CDK11B: variants seen among roughly 807,000 people sequenced by gnomAD.
The protein encoded by CDK11B is cyclin-dependent kinase 11B.
Under a neutral mutation model 84.0 loss-of-function variants are expected in CDK11B, and 37 were observed. That is an observed-to-expected ratio of 0.44 (90% CI 0.34 to 0.58). The LOEUF (loss-of-function observed/expected upper bound fraction) is 0.58, where lower values mean the gene tolerates loss of function less well. CDK11B is among the 20% of genes least tolerant of loss of function. The pLI is 0.02. For synonymous variants in CDK11B, 269 were observed against 309.8 expected, an observed-to-expected ratio of 0.87 and a Z score of 1.38; for missense variants, 427 against 834.0, an observed-to-expected ratio of 0.51 and a Z score of 6.01.
intron 6 of CDK11B, among the ~76,000 whole-genome samples, chr1:1,644,056 A>AAG (rs1334167776): frequency 1.3e-5 from 2 of 152,260 alleles, no homozygotes; most frequent in African/African-American, 4.8e-5. Context: ...GCCTAAGGCA[A>AAG]AGAGAATCTT....
At chr1:1,637,359 G>T in intron 14 of CDK11B, 49 bp downstream of exon 14, 1 of 1,595,682 alleles carries the variant, frequency 6.3e-7, no homozygotes, top group Non-Finnish European at 8.5e-7. Context: ...GGGTGACCAG[G>T]ACCCTGCCCC....
At chr1:1,647,788 C>T (rs1238262953) in intron 5 of CDK11B, among the ~76,000 whole-genome samples, 1 of 152,210 alleles carries the variant, frequency 6.6e-6, no homozygotes, top group Non-Finnish European at 1.5e-5. Context: ...GCCTTTTCTT[C>T]CTCCCTCCAC....
rs1294459593 is a variant in CDK11B, at chr1:1,636,968, G to A, written c.1729C>T (p.Pro577Ser). Residue 577 changes from proline (P) to serine (S), a missense_variant, in exon 16 of 20, where the codon CCT (proline) becomes TCT (serine). Pro to Ser is a moderately conservative substitution (Grantham distance 74). Transcript: ENST00000341832. Reference sequence around the variant, plus strand: ...ACGACCGGGGTGTAGGCCTTCAGAGGGGATCCGTACTCCCGCGCCAGCCCG... The same window carrying A: ...ACGACCGGGGTGTAGGCCTTCAGAGAGGATCCGTACTCCCGCGCCAGCCCG... ...DFGLAREYGS[P>S]LKAYTPVVVT... The A allele has an allele frequency of 1.1e-5, 17 of 1,610,762 alleles. No homozygotes were observed. The highest frequency in any genetic ancestry group is 4.5e-5 in the East Asian group (2 of 44,824).
intron 10 of CDK11B, among the ~76,000 whole-genome samples, 167 bp downstream of exon 10, chr1:1,640,881 C>T (rs1640184061): frequency 1.3e-5 from 2 of 151,082 alleles, no homozygotes; most frequent in South Asian, 2.1e-4. Flanking sequence ...CACTGTGCCT[C>T]GCTGAGGAAT....
intron 4 of CDK11B, among the ~76,000 whole-genome samples, chr1:1,649,893 T>C (rs1476904058): frequency 8.0e-5 from 12 of 150,540 alleles, no homozygotes; most frequent in Non-Finnish European, 1.5e-4. Context: ...GAAGAATTGC[T>C]TGAACCCGGG....
chr1:1,655,527 T>A, intron 2 of CDK11B, 43 bp from the exon 3 acceptor site: 1 of 1,527,646 alleles, frequency 6.5e-7, no homozygotes, highest in South Asian at 1.2e-5. Flanking sequence ...TTATAAGTTT[T>A]TTTTTCTTCA....
chr1:1,650,361 C>CTT (rs1167345235), intron 4 of CDK11B, among the ~76,000 whole-genome samples: 5 of 121,200 alleles, frequency 4.1e-5, no homozygotes, highest in African/African-American at 1.0e-4. Context: ...CCTAATTTTT[C>CTT]TTTTTTTTCT....
chr1:1,648,009 G>A (rs1213796160), intron 5 of CDK11B, among the ~76,000 whole-genome samples: 5 of 152,290 alleles, frequency 3.3e-5, no homozygotes, highest in African/African-American at 9.6e-5. Flanking sequence ...AGTTTTCCAA[G>A]CATCAGTGCT....
Position 1,637,208 on chromosome 1 carries a change from A to T in CDK11B, c.1571-6T>A. 1.9e-6 allele frequency: 3 copies of T among 1,612,954 alleles called. No individual in the cohort carries two copies. Among genetic ancestry groups the T allele is most frequent in the Middle Eastern group, 1.8e-4 (1 of 5,642 alleles). On this transcript the variant is annotated splice_polypyrimidine_tract_variant and splice_region_variant and intron_variant, in intron 14 of 19. Transcript: ENST00000341832. The stretch of plus-strand genomic sequence containing the variant: ...CATCAGGGTCTTCACCTCCCCTGGG[A>T]GGGAGGGAAGCTCCCATGTGGACCT...
In CDK11B at chr1:1,637,016, G is replaced by A; in HGVS notation, c.1693-12C>T. On this transcript the variant is annotated splice_polypyrimidine_tract_variant and intron_variant, in intron 15 of 19. Coordinates refer to ENST00000341832, the MANE Select transcript of CDK11B (RefSeq NM_033486.3). ...CCGAAGTCACCCACCTGCAACGACAGATGGGCGGCTGTGAGTGGGCCCCGG... is the reference window on the plus strand; with the variant it reads ...CCGAAGTCACCCACCTGCAACGACAAATGGGCGGCTGTGAGTGGGCCCCGG... 2 of 1,613,054 alleles carry A rather than the reference G, an allele frequency of 1.2e-6. No individual in the cohort carries two copies. Among genetic ancestry groups the A allele is most frequent in the Non-Finnish European group, 1.7e-6 (2 of 1,179,548 alleles).
At chr1:1,650,006 G>T (rs1420595543) in intron 4 of CDK11B, among the ~76,000 whole-genome samples, 5 of 150,402 alleles carry the variant, frequency 3.3e-5, no homozygotes, top group African/African-American at 9.8e-5. Flanking sequence ...GGGCGCGGTG[G>T]CTCACGCCTG....
At chr1:1,649,994 C>T (rs1320338525) in intron 4 of CDK11B, among the ~76,000 whole-genome samples, 5 of 147,890 alleles carry the variant, frequency 3.4e-5, no homozygotes, top group Non-Finnish European at 6.0e-5. Context: ...GAAATTAAGA[C>T]CGGGCGCGGT....
chr1:1,656,080 A>G (rs1257655829), intron 2 of CDK11B, among the ~76,000 whole-genome samples: 3 of 152,146 alleles, frequency 2.0e-5, no homozygotes, highest in Non-Finnish European at 4.4e-5. Flanking sequence ...CAAACCAAAT[A>G]CTTTGTGATA....
intron 1 of CDK11B, among the ~76,000 whole-genome samples, chr1:1,658,184 AATG>A (rs1226692034): frequency 1.3e-5 from 2 of 149,714 alleles, no homozygotes; most frequent in African/African-American, 5.1e-5. Context: ...AAAAAACAAG[AATG>A]ATAAGTTGTA....
chr1:1,653,169 C>G (rs913754200), intron 3 of CDK11B, among the ~76,000 whole-genome samples: 1 of 151,598 alleles, frequency 6.6e-6, no homozygotes, highest in African/African-American at 2.4e-5. Flanking sequence ...GGATTACAGG[C>G]ATGCGCCACC....
chr1:1,650,002 G>A lies in CDK11B; in HGVS notation c.356-365C>T, dbSNP rs1267285947. ...TGAAACTGAAATTAAGACCGGGCGC[G>A]GTGGCTCACGCCTGTAATTCCAGCA... On this transcript the variant is annotated intron_variant, in intron 4 of 19. Transcript: ENST00000341832. Among the ~76,000 whole-genome samples the A allele has an allele frequency of 2.2e-4, 33 of 149,648 alleles. 1 individual carries two copies. Among genetic ancestry groups the A allele is most frequent in the African/African-American group, 4.9e-4 (20 of 40,764 alleles).
chr1:1,652,305 G>A (rs1642123005), intron 4 of CDK11B, 134 bp downstream of exon 4: 2 of 713,816 alleles, frequency 2.8e-6, no homozygotes, highest in African/African-American at 3.7e-5. Context: ...TGAACGGTCT[G>A]TGACACACGT....
At chr1:1,654,751 T>C (rs1461533595) in intron 3 of CDK11B, among the ~76,000 whole-genome samples, 5 of 151,882 alleles carry the variant, frequency 3.3e-5, no homozygotes, top group African/African-American at 4.8e-5. Flanking sequence ...CTCCACCTCC[T>C]GGGTTCACGC....
At chr1:1,651,427 CCT>C (rs1424428821) in intron 4 of CDK11B, among the ~76,000 whole-genome samples, 1 of 70,062 alleles carries the variant, frequency 1.4e-5, no homozygotes, top group Non-Finnish European at 2.7e-5. Flanking sequence ...CTCTGTAGCC[CCT>C]CTGAACGGTC....
Sources: gnomAD v4.1 joint callset for allele counts (sites outside exome capture counted in the v4.1 genomes callset) on GRCh38, gnomAD v4.1.1 for gene constraint, MANE v1.5 for transcripts, NCBI Gene and HGNC (gene_info 2026-07-23, HGNC 2026-07-21) for gene names.